The following RUNX1 variants were observed in gnomAD, a reference collection of about 807,000 sequenced individuals.
The protein encoded by RUNX1 is RUNX family transcription factor 1.
RUNX1 carries 19 observed loss-of-function variants against 42.8 expected under a neutral mutation model. The observed-to-expected ratio is 0.44, with a 90% CI of 0.31 to 0.65. The LOEUF is 0.65. Ranked by LOEUF, RUNX1 falls within the 30% of genes least tolerant of loss-of-function variation. The pLI, the probability that RUNX1 is intolerant of heterozygous loss-of-function variation, is 0.07. For synonymous variants in RUNX1, 271 were observed against 289.4 expected, an observed-to-expected ratio of 0.94 and a Z score of 0.64; for missense variants, 528 against 672.0, an observed-to-expected ratio of 0.79 and a Z score of 2.37.
chr21:34,799,538 T>C (rs1170162019), intron 7 of RUNX1, 76 bp from the exon 8 acceptor site: 1 of 1,344,682 alleles, frequency 7.4e-7, no homozygotes. Flanking sequence ...AAGAAATGAG[T>C]GGCCCTTGTT....
At chr21:34,849,441 AT>A in intron 6 of RUNX1, among the ~76,000 whole-genome samples, 2 of 69,510 alleles carry the variant, frequency 2.9e-5, no homozygotes, top group African/African-American at 1.1e-4. Context: ...TATTATATAT[AT>A]ACTATATATT....
intron 2 of RUNX1, among the ~76,000 whole-genome samples, chr21:34,967,301 CAGTGTGAGACTCGG>C (rs2146730779): frequency 1.2e-5 from 1 of 83,824 alleles, no homozygotes; most frequent in East Asian, 4.7e-4. Flanking sequence ...GCCCAGGCGA[CAGTGTGAGACTCGG>C]TCTCAAAAAA....
At chr21:34,971,504 GCCAT>G (rs76561322) in intron 2 of RUNX1, among the ~76,000 whole-genome samples, 5,725 of 150,488 alleles carry the variant, frequency 0.038, 133 homozygotes, top group Middle Eastern at 0.075. Context: ...ATTTTTATCA[GCCAT>G]CCATCCATCC....
intron 5 of RUNX1, among the ~76,000 whole-genome samples, chr21:34,877,401 G>C (rs2057829735): frequency 6.6e-6 from 1 of 152,092 alleles, no homozygotes; most frequent in African/African-American, 2.4e-5. Context: ...AATAACCTCT[G>C]TGCTCACATG....
chr21:35,032,109 G>A (rs2059277358), intron 2 of RUNX1, among the ~76,000 whole-genome samples: 1 of 152,204 alleles, frequency 6.6e-6, no homozygotes, highest in African/African-American at 2.4e-5. Flanking sequence ...AGCTCCTACA[G>A]ATTGTTTGAC....
chr21:34,942,394 C>G (rs905805223), intron 2 of RUNX1, among the ~76,000 whole-genome samples: 8 of 152,074 alleles, frequency 5.3e-5, no homozygotes, highest in Middle Eastern at 3.4e-3. Flanking sequence ...AAATTTGTAC[C>G]AATACTTTAA....
rs147624401 is a variant in RUNX1, at chr21:34,990,619, C to T, written c.58+58223G>A. 3.5e-3 allele frequency among the ~76,000 whole-genome samples: 532 copies of T among 151,796 alleles called. 3 individuals carry two copies. Among genetic ancestry groups the T allele is most frequent in the Admixed American group, 0.011 (165 of 15,244 alleles). On this transcript the variant is annotated intron_variant, in intron 2 of 8. Transcript: ENST00000675419. ...CATACCACTGGGGCTCTTCCATTAA[C>T]GGATATAATGTTGGGATATGAGGAA...
intron 3 of RUNX1, chr21:34,888,400 CCT>C (rs535724665): frequency 8.5e-5 from 91 of 1,067,536 alleles, no homozygotes; most frequent in South Asian, 1.8e-4. Flanking sequence ...ACTTTCTCCC[CCT>C]GTTGTAAAAG....
chr21:34,817,090 T>C (rs1216911833), intron 7 of RUNX1, among the ~76,000 whole-genome samples: 1 of 152,204 alleles, frequency 6.6e-6, no homozygotes, highest in Non-Finnish European at 1.5e-5. Context: ...AGGGAACCTA[T>C]GCAGTGCAGT....
chr21:34,917,439 A>C (rs867334141), intron 2 of RUNX1, among the ~76,000 whole-genome samples: 4 of 152,210 alleles, frequency 2.6e-5, no homozygotes, highest in African/African-American at 9.6e-5. Context: ...AACAAAAAGA[A>C]TTGGAATTCT....
chr21:34,812,161 G>T (rs115447420), intron 7 of RUNX1, among the ~76,000 whole-genome samples: 2,530 of 152,354 alleles, frequency 0.017, 66 homozygotes, highest in African/African-American at 0.057. Context: ...TCTTTGGCTT[G>T]TGAGCCAAGG....
intron 6 of RUNX1, among the ~76,000 whole-genome samples, chr21:34,842,502 A>AG (rs980583069): frequency 6.6e-6 from 1 of 151,512 alleles, no homozygotes; most frequent in African/African-American, 2.4e-5. Context: ...CAAAAAAAAA[A>AG]AAAAAAAAAA....
intron 2 of RUNX1, among the ~76,000 whole-genome samples, chr21:34,991,804 A>G (rs1411720188): frequency 6.6e-6 from 1 of 152,148 alleles, no homozygotes; most frequent in Non-Finnish European, 1.5e-5. Flanking sequence ...ACTGGTTAAG[A>G]CGAGGTCATC....
intron 2 of RUNX1, among the ~76,000 whole-genome samples, chr21:34,900,939 G>A (rs1225551882): frequency 1.3e-5 from 2 of 152,016 alleles, no homozygotes; most frequent in African/African-American, 4.8e-5. Flanking sequence ...CTATAAACAG[G>A]TTTATTTTGA....
Position 34,792,315 on chromosome 21 carries a change from G to GCGCC in RUNX1, c.1262_1263insGGCG (p.Glu422AlafsTer179). The stretch of plus-strand genomic sequence containing the variant: ...GCAGGATGCGCGGCGGCGAGCGCTC[G>GCGCC]CCGCCCACCATGGAGAACTGGTAGG... On this transcript the variant is annotated frameshift_variant, in exon 9 of 9. Transcript: ENST00000675419. LOFTEE classifies it high-confidence loss of function. The surrounding 1 kb of genome is among the most constrained non-coding windows in gnomAD (Gnocchi z 6.9). The GCGCC allele has an allele frequency of 6.6e-7, 1 of 1,516,800 alleles. No homozygotes were observed. Among genetic ancestry groups the GCGCC allele is most frequent in the Non-Finnish European group, 8.8e-7 (1 of 1,130,508 alleles). The allele number at this position is 1,516,800 out of a possible 1,614,324, so 94.0% of individuals were successfully genotyped here.
chr21:34,811,145 T>A (rs1194107869), intron 7 of RUNX1, among the ~76,000 whole-genome samples: 1 of 152,226 alleles, frequency 6.6e-6, no homozygotes, highest in Non-Finnish European at 1.5e-5. Flanking sequence ...TCTTGTGAAG[T>A]GTGACCCACA....
At position 34,913,537 on chromosome 21, in the gene RUNX1, C is replaced by T. The variant is rs151117269; in HGVS notation, c.59-20574G>A. Among the ~76,000 whole-genome samples, 17 of 152,252 alleles carry T rather than the reference C, an allele frequency of 1.1e-4. No individual in the cohort carries two copies. The South Asian group carries it at 1.4e-3, about 13-fold the overall frequency. On this transcript the variant is annotated intron_variant, in intron 2 of 8. Transcript: ENST00000675419. Reference sequence around the variant, plus strand: ...GCTGGACACCACACGTCTTAAGCCTCGTCACCTTCTCTTTACTTTTTTGCC... The same window carrying T: ...GCTGGACACCACACGTCTTAAGCCTTGTCACCTTCTCTTTACTTTTTTGCC...
intron 3 of RUNX1, 105 bp from the exon 4 acceptor site, chr21:34,887,201 G>A (rs2058008362): frequency 7.8e-7 from 1 of 1,288,358 alleles, no homozygotes; most frequent in Non-Finnish European, 1.0e-6. Context: ...GCTCCCGGGA[G>A]ACCAACATAC....
At position 35,012,235 on chromosome 21, in the gene RUNX1, C is replaced by T. The variant is rs753553129; in HGVS notation, c.58+36607G>A. On this transcript the variant is annotated intron_variant, in intron 2 of 8. Coordinates refer to ENST00000675419, the MANE Select transcript of RUNX1 (RefSeq NM_001754.5). Reference sequence around the variant, plus strand: ...GCTCCAAGAGTACAGGTTAGTTGTCCGTGATGAAATTTCCAAGACCTTCCT... The same window carrying T: ...GCTCCAAGAGTACAGGTTAGTTGTCTGTGATGAAATTTCCAAGACCTTCCT... 5.3e-5 allele frequency among the ~76,000 whole-genome samples: 8 copies of T among 152,026 alleles called. No individual in the cohort carries two copies. The East Asian group carries it at 5.8e-4, about 11-fold the overall frequency.
Sources: allele counts gnomAD v4.1 joint callset (sites outside exome capture counted in the v4.1 genomes callset), GRCh38; gene constraint gnomAD v4.1.1; non-coding constraint Gnocchi (gnomAD v3.1); transcripts MANE v1.5; gene names NCBI Gene and HGNC (gene_info 2026-07-23, HGNC 2026-07-21).